LCLAT1: variants seen among roughly 807,000 people sequenced by gnomAD.
LCLAT1 encodes the protein 1-AGP acyltransferase 8.
A neutral mutation model predicts 30.7 loss-of-function variants in LCLAT1; 11 were observed. That is an observed-to-expected ratio of 0.36 (90% CI 0.23 to 0.59). LCLAT1 has a LOEUF of 0.59. Among genes scored for constraint, LCLAT1 ranks in the 20% least tolerant of loss-of-function variants. The probability of loss-of-function intolerance (pLI) is 0.77; values close to 1 mark genes in which losing one functional copy is unlikely to be tolerated. For missense variants in LCLAT1, 402 were observed against 458.6 expected (o/e 0.88, Z 1.13); for synonymous variants, 155 against 151.3 (o/e 1.02, Z -0.18).
chr2:30,570,257 G>A (rs1406543033), intron 5 of LCLAT1, among the ~76,000 whole-genome samples: 1 of 151,974 alleles, frequency 6.6e-6, no homozygotes, highest in South Asian at 2.1e-4. Flanking sequence ...CATCCCTCCT[G>A]TATCAGTAAA....
At chr2:30,632,773 C>CTTAT (rs1668830666) in intron 5 of LCLAT1, among the ~76,000 whole-genome samples, 1 of 152,194 alleles carries the variant, frequency 6.6e-6, no homozygotes, top group Non-Finnish European at 1.5e-5. Flanking sequence ...ACAGCCAAGG[C>CTTAT]TTATAGTGAG....
rs777123417 is a variant in LCLAT1, at chr2:30,467,937, AG to A, written c.-5+20555del. 1.2e-4 allele frequency among the ~76,000 whole-genome samples: 19 copies of A among 152,212 alleles called. No individual in the cohort carries two copies. In the South Asian group the frequency reaches 2.1e-3, roughly 17 times the overall value. On this transcript the variant is annotated intron_variant, in intron 1 of 5. Transcript: ENST00000379509. ...TTCTTTTGCTGTGCAGAAGCTCTTT[AG>A]TTTAATTAGATCCCATTTGTCAGTT...
intron 1 of LCLAT1, among the ~76,000 whole-genome samples, chr2:30,514,912 A>G (rs1465511562): frequency 1.3e-5 from 2 of 152,192 alleles, no homozygotes; most frequent in African/African-American, 4.8e-5. Flanking sequence ...TTATCCTAAA[A>G]CATGACTCAT....
chr2:30,467,308 A>G (rs544761742), intron 1 of LCLAT1, among the ~76,000 whole-genome samples: 48 of 152,282 alleles, frequency 3.2e-4, no homozygotes, highest in African/African-American at 1.1e-3. Context: ...CATGGTGTAT[A>G]TGTGCCACAT....
intron 1 of LCLAT1, among the ~76,000 whole-genome samples, chr2:30,458,919 A>G (rs569333021): frequency 3.9e-5 from 6 of 152,346 alleles, no homozygotes; most frequent in African/African-American, 1.2e-4. Flanking sequence ...AGGTATGTAT[A>G]TACTTATATT....
intron 1 of LCLAT1, among the ~76,000 whole-genome samples, chr2:30,496,002 C>G (rs1684091973): frequency 6.6e-6 from 1 of 152,102 alleles, no homozygotes. Flanking sequence ...CATGGTGCCA[C>G]AGGCTGTACA....
intron 5 of LCLAT1, among the ~76,000 whole-genome samples, chr2:30,585,977 C>T (rs7608857): frequency 0.59 from 89,318 of 151,796 alleles, 27,191 homozygotes; most frequent in Non-Finnish European, 0.67. Flanking sequence ...AATGGCCGGG[C>T]GTGGTGGCTC....
chr2:30,452,570 T>A (rs922824775), intron 1 of LCLAT1, among the ~76,000 whole-genome samples: 15 of 152,220 alleles, frequency 9.9e-5, no homozygotes, highest in Non-Finnish European at 1.3e-4. Context: ...TAAGTTTTGA[T>A]CAATACAATA....
chr2:30,519,557 TG>T (rs1446554834), intron 1 of LCLAT1, among the ~76,000 whole-genome samples: 1 of 152,308 alleles, frequency 6.6e-6, no homozygotes, highest in South Asian at 2.1e-4. Flanking sequence ...TAAGCCTAGC[TG>T]GGGAAGGTGA....
chr2:30,627,915 C>A (rs951692570), intron 5 of LCLAT1, among the ~76,000 whole-genome samples: 1 of 152,104 alleles, frequency 6.6e-6, no homozygotes, highest in Non-Finnish European at 1.5e-5. Context: ...TTAAAACTCA[C>A]ATTTTAAATT....
chr2:30,602,597 CTGTCTCATTTCTTTCAAGT>C (rs1487779667), intron 5 of LCLAT1, among the ~76,000 whole-genome samples: 2 of 152,192 alleles, frequency 1.3e-5, no homozygotes, highest in Non-Finnish European at 2.9e-5. Flanking sequence ...CATCACTTCT[CTGTCTCATTTCTTTCAAGT>C]TTTTCACAAA....
At chr2:30,525,095 T>C (rs1390308067) in intron 1 of LCLAT1, among the ~76,000 whole-genome samples, 2 of 152,128 alleles carry the variant, frequency 1.3e-5, no homozygotes, top group African/African-American at 4.8e-5. Context: ...AGATATTTGC[T>C]CTGTTGAGAG....
intron 5 of LCLAT1, among the ~76,000 whole-genome samples, chr2:30,584,852 A>G (rs568758285): frequency 2.0e-5 from 3 of 151,430 alleles, no homozygotes; most frequent in Admixed American, 6.6e-5. Flanking sequence ...CTTTCCAACA[A>G]TGTTCCTTTG....
intron 3 of LCLAT1, among the ~76,000 whole-genome samples, chr2:30,550,240 C>T (rs1280247331): frequency 6.6e-6 from 1 of 152,108 alleles, no homozygotes; most frequent in Non-Finnish European, 1.5e-5. Context: ...CTATCTTTTT[C>T]ACCCAGCTTC....
chr2:30,521,492 CTTTTTTTTTTTTT>C (rs869093721), intron 1 of LCLAT1, among the ~76,000 whole-genome samples: 2 of 16,814 alleles, frequency 1.2e-4, no homozygotes, highest in African/African-American at 2.4e-4. Flanking sequence ...ACTACTTCTT[CTTTTTTTTTTTTT>C]TTTTTTTTTT....
intron 1 of LCLAT1, 150 bp from the exon 2 acceptor site, chr2:30,525,437 C>T: frequency 1.6e-6 from 1 of 631,168 alleles, no homozygotes; most frequent in East Asian, 2.7e-5. Flanking sequence ...GTAGGAGGGT[C>T]ACCTCTTTGA....
intron 5 of LCLAT1, among the ~76,000 whole-genome samples, chr2:30,622,985 G>A (rs912469091): frequency 2.6e-5 from 4 of 151,184 alleles, no homozygotes; most frequent in Non-Finnish European, 5.9e-5. Context: ...AAAGAATTCA[G>A]AAGTTCGACT....
At chr2:30,478,148 A>G (rs1363064562) in intron 1 of LCLAT1, among the ~76,000 whole-genome samples, 1 of 151,906 alleles carries the variant, frequency 6.6e-6, no homozygotes, top group East Asian at 1.9e-4. Context: ...ATGAGTTAAC[A>G]CGAGATTGGG....
chr2:30,611,895 TA>T (rs1196557895), intron 5 of LCLAT1, among the ~76,000 whole-genome samples: 10 of 152,120 alleles, frequency 6.6e-5, no homozygotes, highest in African/African-American at 2.4e-4. Flanking sequence ...ATCATGCCCA[TA>T]AGGCAGCAAT....
Sources: gnomAD v4.1 joint callset for allele counts (sites outside exome capture counted in the v4.1 genomes callset) on GRCh38, gnomAD v4.1.1 for gene constraint, MANE v1.5 for transcripts, NCBI Gene and HGNC (gene_info 2026-07-23, HGNC 2026-07-21) for gene names.